FBLN5: variants seen among roughly 807,000 people sequenced by gnomAD.
FBLN5 encodes fibulin 5, also known as fibulin-5.
In FBLN5, 24 loss-of-function variants were observed where a neutral mutation model predicts 61.6. The ratio of observed to expected loss-of-function variants is 0.39; its 90% CI spans 0.28 to 0.55. The LOEUF (loss-of-function observed/expected upper bound fraction) is 0.55. FBLN5 is among the 20% of genes least tolerant of loss of function. The probability of loss-of-function intolerance (pLI) is 0.65; values close to 1 mark genes in which losing one functional copy is unlikely to be tolerated. For missense variants in FBLN5, 470 were observed against 594.1 expected (o/e 0.79, Z 2.17); for synonymous variants, 213 against 219.8 (o/e 0.97, Z 0.27).
chr14:91,911,852 C>T (rs924260925), intron 4 of FBLN5, among the ~76,000 whole-genome samples: 1 of 150,338 alleles, frequency 6.7e-6, no homozygotes, highest in African/African-American at 2.4e-5. Context: ...CCTCGGCACA[C>T]AAAATGAGGG....
intron 5 of FBLN5, among the ~76,000 whole-genome samples, chr14:91,893,832 T>C (rs1237192638): frequency 6.6e-6 from 1 of 152,078 alleles, no homozygotes; most frequent in Non-Finnish European, 1.5e-5. Flanking sequence ...CCATAGCCGG[T>C]GGGGTGGGTG....
At chr14:91,911,884 G>C (rs1331121264) in intron 4 of FBLN5, among the ~76,000 whole-genome samples, 4 of 151,772 alleles carry the variant, frequency 2.6e-5, no homozygotes, top group Non-Finnish European at 5.9e-5. Context: ...AGACCTATTA[G>C]CAAGTAGGAA....
chr14:91,918,964 T>C (rs2055676210), intron 4 of FBLN5, among the ~76,000 whole-genome samples: 1 of 152,072 alleles, frequency 6.6e-6, no homozygotes, highest in Admixed American at 6.5e-5. Flanking sequence ...TCCAATGGGC[T>C]TGGGATGAGA....
chr14:91,933,222 T>C (rs974311237), intron 4 of FBLN5, among the ~76,000 whole-genome samples: 1 of 152,226 alleles, frequency 6.6e-6, no homozygotes, highest in Non-Finnish European at 1.5e-5. Flanking sequence ...GAGATTATTA[T>C]TGACTTCTGT....
chr14:91,869,572 C>T lies in FBLN5; in HGVS notation c.*652G>A, dbSNP rs1466346111. 6.5e-6 allele frequency: 1 copy of T among 154,728 alleles called. No homozygotes were observed. The highest frequency in any genetic ancestry group is 1.4e-5 in the Non-Finnish European group (1 of 69,730). 9.6% of individuals were successfully genotyped at this position (154,728 alleles called of 1,614,324 possible). On this transcript the variant is annotated 3_prime_UTR_variant, in exon 11 of 11. Coordinates refer to ENST00000342058, the MANE Select transcript of FBLN5 (RefSeq NM_006329.4). Reference sequence around the variant, plus strand: ...CAGAACATAGCATGTGTCTGAAGGCCTTTCGAAGGAATTCTACGACATATT... The same window carrying T: ...CAGAACATAGCATGTGTCTGAAGGCTTTTCGAAGGAATTCTACGACATATT...
intron 5 of FBLN5, among the ~76,000 whole-genome samples, 168 bp from the exon 6 acceptor site, chr14:91,891,505 C>G (rs1011548849): frequency 6.6e-6 from 1 of 152,172 alleles, no homozygotes; most frequent in Non-Finnish European, 1.5e-5. Context: ...GATGCTGTCT[C>G]GAATACAAGG....
rs547719665 is a variant in FBLN5 at position 91,898,524 on chromosome 14, G to A, written c.380-3452C>T. Among the ~76,000 whole-genome samples, 9 of 152,138 alleles carry A rather than the reference G, an allele frequency of 5.9e-5. No homozygotes were observed. The East Asian group carries it at 7.7e-4, about 13-fold the overall frequency. On this transcript the variant is annotated intron_variant, in intron 4 of 10. Transcript: ENST00000342058. ...CTCATCACACATTCCAGCTCACAGC[G>A]GAACTTCTTACATTAAATACATTTG...
intron 4 of FBLN5, among the ~76,000 whole-genome samples, chr14:91,898,841 G>T (rs375194008): frequency 8.4e-6 from 1 of 119,584 alleles, no homozygotes; most frequent in East Asian, 2.5e-4. Context: ...TCGCTCTGTC[G>T]CCCAGGCTGG....
At chr14:91,909,903 G>A (rs556463358) in intron 4 of FBLN5, among the ~76,000 whole-genome samples, 1 of 152,314 alleles carries the variant, frequency 6.6e-6, no homozygotes, top group African/African-American at 2.4e-5. Context: ...TGGTGAGGAC[G>A]TGGAGAAACT....
intron 7 of FBLN5, among the ~76,000 whole-genome samples, chr14:91,886,798 C>CA (rs1366852675): frequency 6.6e-6 from 1 of 152,184 alleles, no homozygotes; most frequent in Non-Finnish European, 1.5e-5. Context: ...CCCGATAAGA[C>CA]ATGCTATTAT....
rs775302016 is a variant in FBLN5 at position 91,870,204 on chromosome 14, C to T, written c.*20G>A. ...CCTTGGTGCCAATGAGAGGCAGCGT[C>T]GGAGGCTCCAGCCCGAGGCTCAGAA... is the stretch of plus-strand genomic sequence containing the variant. On this transcript the variant is annotated 3_prime_UTR_variant, in exon 11 of 11. Transcript: ENST00000342058. 18 of 1,613,034 alleles carry T rather than the reference C, an allele frequency of 1.1e-5. No individual in the cohort carries two copies. Among genetic ancestry groups the T allele is most frequent in the African/African-American group, 5.3e-5 (4 of 74,902 alleles).
At chr14:91,902,891 C>G (rs2267997) in intron 4 of FBLN5, among the ~76,000 whole-genome samples, 107,699 of 151,958 alleles carry the variant, frequency 0.71, 39,659 homozygotes, top group Admixed American at 0.82. Context: ...TGGGAACTGA[C>G]CATGAAGATG....
intron 4 of FBLN5, among the ~76,000 whole-genome samples, chr14:91,913,198 T>C (rs1891033375): frequency 6.6e-6 from 1 of 152,114 alleles, no homozygotes; most frequent in Non-Finnish European, 1.5e-5. Flanking sequence ...GAACAAAAAA[T>C]ACACATCACG....
At position 91,899,743 on chromosome 14, in the gene FBLN5, C is replaced by G. The variant is rs191451127; in HGVS notation, c.380-4671G>C. 1.6e-3 allele frequency among the ~76,000 whole-genome samples: 241 copies of G among 152,318 alleles called. 3 individuals are homozygous for G. The highest frequency in any genetic ancestry group is 3.7e-3 in the Admixed American group (56 of 15,294). On this transcript the variant is annotated intron_variant, in intron 4 of 10. Coordinates refer to ENST00000342058, the MANE Select transcript of FBLN5 (RefSeq NM_006329.4). ...CTATGTCTCACATTCCCCAGCCAGA[C>G]AGTAAGCTTTACGTGGGCAGATATG... is the stretch of plus-strand genomic sequence containing the variant.
chr14:91,883,773 C>T (rs2139962478), intron 7 of FBLN5, among the ~76,000 whole-genome samples: 1 of 152,128 alleles, frequency 6.6e-6, no homozygotes, highest in South Asian at 2.1e-4. Flanking sequence ...GGCTCGCCTA[C>T]CTCGGATCCT....
intron 9 of FBLN5, among the ~76,000 whole-genome samples, chr14:91,879,426 A>C (rs528188959): frequency 2.6e-5 from 4 of 152,294 alleles, no homozygotes; most frequent in African/African-American, 4.8e-5. Flanking sequence ...CTGGACAAGG[A>C]GCTGGAAGGG....
chr14:91,906,160 T>C (rs1890678263), intron 4 of FBLN5, among the ~76,000 whole-genome samples: 1 of 152,218 alleles, frequency 6.6e-6, no homozygotes, highest in Admixed American at 6.5e-5. Flanking sequence ...GTGCTGGGAT[T>C]ATAGGCATGA....
At chr14:91,899,544 T>A (rs1373492738) in intron 4 of FBLN5, among the ~76,000 whole-genome samples, 2 of 152,202 alleles carry the variant, frequency 1.3e-5, no homozygotes, top group African/African-American at 4.8e-5. Flanking sequence ...CCTTGAGACA[T>A]CCACAGAGTG....
In FBLN5 at chr14:91,947,176, AC is replaced by A. The variant is rs1259017638; in HGVS notation, c.17+36del. On this transcript the variant is annotated intron_variant, in intron 1 of 10. Transcript: ENST00000342058. This position sits in a 1 kb window ranked among gnomAD's most constrained non-coding sequence, Gnocchi z 4.3. The stretch of plus-strand genomic sequence containing the variant: ...ATCGGATTTTTAGCAAGGCTTCCAG[AC>A]CCTGGAGAAAGAAAAGTCCAGCGCC... 1.2e-6 allele frequency: 2 copies of A among 1,613,960 alleles called. No individual in the cohort carries two copies. Among genetic ancestry groups the A allele is most frequent in the Admixed American group, 1.7e-5 (1 of 60,022 alleles).
Sources: allele counts gnomAD v4.1 joint callset (sites outside exome capture counted in the v4.1 genomes callset), GRCh38; gene constraint gnomAD v4.1.1; non-coding constraint Gnocchi (gnomAD v3.1); transcripts MANE v1.5; gene names NCBI Gene and HGNC (gene_info 2026-07-23, HGNC 2026-07-21).